The following MTOR variants were observed in gnomAD, a reference collection of about 807,000 sequenced individuals.
The protein encoded by MTOR is mechanistic target of rapamycin kinase.
Under a neutral mutation model 319.8 loss-of-function variants are expected in MTOR, and 70 were observed. The observed-to-expected ratio is 0.22, with a 90% CI of 0.18 to 0.27. The LOEUF (loss-of-function observed/expected upper bound fraction) is 0.27. MTOR is among the 10% of genes least tolerant of loss of function. The pLI is 1.00. For synonymous variants in MTOR, 1,183 were observed against 1,211.4 expected (o/e 0.98, Z 0.49); for missense variants, 1,890 against 3,274.4 (o/e 0.58, Z 10.32).
At chr1:11,120,862 C>T (rs1333045878) in intron 49 of MTOR, among the ~76,000 whole-genome samples, 1 of 151,690 alleles carries the variant, frequency 6.6e-6, no homozygotes, top group East Asian at 1.9e-4. Flanking sequence ...TGGCTGAATC[C>T]ACAGATGCAG....
In MTOR at chr1:11,129,900, C is replaced by T. The variant is rs1643030528; in HGVS notation, c.5614-62G>A. ...TCTGCTTTCTCATCTGTAAAATGGG[C>T]ATAAGAGCATACTAACTGTACCTAC... On this transcript the variant is annotated intron_variant, in intron 39 of 57. Transcript: ENST00000361445. This position sits in a 1 kb window ranked among gnomAD's most constrained non-coding sequence, Gnocchi z 4.7. 4 of 1,408,234 alleles carry T rather than the reference C, an allele frequency of 2.8e-6. No homozygotes were observed. The highest frequency in any genetic ancestry group is 4.0e-6 in the Non-Finnish European group (4 of 997,714). 87.2% of individuals were successfully genotyped at this position (1,408,234 alleles called of 1,614,324 possible). A position where few individuals can be genotyped will look rare whatever the true frequency, so the allele number is the denominator to read the frequency against.
chr1:11,130,475 C>T (rs2100428485), intron 39 of MTOR, 54 bp downstream of exon 39: 1 of 1,581,610 alleles, frequency 6.3e-7, no homozygotes, highest in South Asian at 1.2e-5. Flanking sequence ...GATTCCATTT[C>T]TCAGAGAGCC....
chr1:11,247,642 C>T lies in MTOR; in HGVS notation c.1208G>A (p.Arg403Gln), dbSNP rs1226783220. The T allele has an allele frequency of 3.7e-6, 6 of 1,613,944 alleles. No homozygotes were observed. Among genetic ancestry groups the T allele is most frequent in the South Asian group, 2.2e-5 (2 of 91,070 alleles). The change falls in exon 8 of 58, where the codon CGA becomes CAA. Residue 403 changes from arginine (R) to glutamine (Q), a missense_variant. Arg to Gln is a conservative substitution (Grantham distance 43). Transcript: ENST00000361445. ...LNLLPRLAAF[R>Q]PSAFTDTQYL... Reference sequence around the variant, plus strand: ...ATCCTCACCTGTGAAGGCAGAAGGTCGGAATGCAGCCAAGCGGGGCAACAA... The same window carrying T: ...ATCCTCACCTGTGAAGGCAGAAGGTTGGAATGCAGCCAAGCGGGGCAACAA...
rs578015387 is a variant in MTOR at position 11,161,251 on chromosome 1, T to C, written c.4330-3960A>G. On this transcript the variant is annotated intron_variant, in intron 29 of 57. Coordinates refer to ENST00000361445, the MANE Select transcript of MTOR (RefSeq NM_004958.4). ...GAGGCTGGCGGAGGGGTGCCCACCA[T>C]TGCTGAGGCTTGAGTAGGTAAACAA... is the stretch of plus-strand genomic sequence containing the variant. 6.6e-5 allele frequency among the ~76,000 whole-genome samples: 10 copies of C among 152,254 alleles called. No homozygotes were observed. The East Asian group carries it at 1.9e-3, about 29-fold the overall frequency.
chr1:11,216,895 A>C (rs1557434326), intron 19 of MTOR, among the ~76,000 whole-genome samples: 1 of 152,220 alleles, frequency 6.6e-6, no homozygotes, highest in Non-Finnish European at 1.5e-5. Context: ...AGGGACGTGA[A>C]TACTATTCAG....
At chr1:11,140,875 T>C (rs1643665262) in intron 34 of MTOR, among the ~76,000 whole-genome samples, 1 of 151,762 alleles carries the variant, frequency 6.6e-6, no homozygotes, top group African/African-American at 2.4e-5. Flanking sequence ...AGTTGAAAAA[T>C]GAATTAAATG....
Position 11,113,571 on chromosome 1 carries a change from ATTTT to A in MTOR, c.7301-658_7301-655del, listed in dbSNP as rs531907407. On this transcript the variant is annotated intron_variant, in intron 53 of 57. Coordinates refer to ENST00000361445, the MANE Select transcript of MTOR (RefSeq NM_004958.4). ...CCCCAGCTTCCACACACTTGATTTT[ATTTT>A]TTATTTGTTTTCTTTTATTTTTAAA... Among the ~76,000 whole-genome samples, 408 of 152,102 alleles carry A rather than the reference ATTTT, an allele frequency of 2.7e-3. 1 individual carries two copies. The highest frequency in any genetic ancestry group is 4.9e-3 in the Non-Finnish European group (330 of 67,944).
intron 26 of MTOR, 57 bp downstream of exon 26, chr1:11,204,504 T>A (rs1039408115): frequency 6.5e-7 from 1 of 1,527,320 alleles, no homozygotes; most frequent in Non-Finnish European, 8.8e-7. Context: ...TAAAAACTAA[T>A]TTGTATATAT....
chr1:11,177,036 A>G (rs890012623), intron 28 of MTOR, among the ~76,000 whole-genome samples: 2 of 152,146 alleles, frequency 1.3e-5, no homozygotes, highest in Non-Finnish European at 2.9e-5. Context: ...TGCAGACAGG[A>G]GGGGAAGTGA....
intron 19 of MTOR, among the ~76,000 whole-genome samples, chr1:11,226,624 A>G (rs1468990077): frequency 1.3e-5 from 2 of 151,768 alleles, no homozygotes; most frequent in Non-Finnish European, 2.9e-5. Flanking sequence ...AACCCAAAAA[A>G]TCAGCTGGGT....
intron 38 of MTOR, chr1:11,132,116 A>C (rs757552198): frequency 6.6e-6 from 1 of 152,232 alleles, no homozygotes; most frequent in Non-Finnish European, 1.5e-5. Flanking sequence ...CCACATTAGG[A>C]AAAGCTTTTA....
chr1:11,233,520 G>A lies in MTOR; in HGVS notation c.2332-33C>T, dbSNP rs28730690. The A allele has an allele frequency of 6.7e-3, 10,256 of 1,526,206 alleles. 41 individuals are homozygous for A. Among genetic ancestry groups the A allele is most frequent in the Non-Finnish European group, 7.9e-3 (8,710 of 1,100,316 alleles). 94.5% of individuals were successfully genotyped at this position (1,526,206 alleles called of 1,614,324 possible). A position where few individuals can be genotyped will look rare whatever the true frequency, so the allele number is the denominator to read the frequency against. On this transcript the variant is annotated intron_variant, in intron 14 of 57. Coordinates refer to ENST00000361445, the MANE Select transcript of MTOR (RefSeq NM_004958.4). ...AAGAAGTTATGAGAAAATGAATGCA[G>A]ATTAGACTCTACTAGAAACCTTTCT...
At chr1:11,242,985 CAT>C in intron 9 of MTOR, 127 bp downstream of exon 9, 1 of 863,002 alleles carries the variant, frequency 1.2e-6, no homozygotes, top group South Asian at 1.7e-5. Flanking sequence ...GGCTGTTCTT[CAT>C]ATGATTTGCT....
At chr1:11,167,547 A>C in intron 28 of MTOR, 30 bp from the exon 29 acceptor site, 1 of 1,567,810 alleles carries the variant, frequency 6.4e-7, no homozygotes. Context: ...AGGTAGTTAC[A>C]CTCAACAGGT....
chr1:11,215,530 C>T (rs533473775), intron 20 of MTOR, among the ~76,000 whole-genome samples: 1 of 152,276 alleles, frequency 6.6e-6, no homozygotes, highest in Non-Finnish European at 1.5e-5. Flanking sequence ...GAGGACATGC[C>T]ATCCCTGTGA....
chr1:11,178,417 G>A (rs75119139), intron 28 of MTOR, among the ~76,000 whole-genome samples: 1 of 152,200 alleles, frequency 6.6e-6, no homozygotes, highest in Non-Finnish European at 1.5e-5. Flanking sequence ...TCAGAGGCGT[G>A]TTGTAAAAAT....
chr1:11,209,054 T>C (rs1391863702), intron 25 of MTOR, among the ~76,000 whole-genome samples: 2 of 152,172 alleles, frequency 1.3e-5, no homozygotes, highest in Non-Finnish European at 2.9e-5. Context: ...TGAGAATGTA[T>C]TTGCAACAAA....
chr1:11,225,340 A>C (rs1557445862), intron 19 of MTOR, among the ~76,000 whole-genome samples: 1 of 152,168 alleles, frequency 6.6e-6, no homozygotes, highest in Non-Finnish European at 1.5e-5. Context: ...GAAGACTGAC[A>C]ATGACTTAAC....
chr1:11,214,783 C>T (rs1238502025), intron 20 of MTOR, among the ~76,000 whole-genome samples: 1 of 152,136 alleles, frequency 6.6e-6, no homozygotes, highest in Non-Finnish European at 1.5e-5. Context: ...GCCAAAGAAA[C>T]ACCACAGATT....
Sources: allele counts gnomAD v4.1 joint callset (sites outside exome capture counted in the v4.1 genomes callset), GRCh38; gene constraint gnomAD v4.1.1; non-coding constraint Gnocchi (gnomAD v3.1); transcripts MANE v1.5; gene names NCBI Gene and HGNC (gene_info 2026-07-23, HGNC 2026-07-21).